Variants in KAZN observed in about 807,000 individuals in gnomAD.
KAZN encodes kazrin, periplakin interacting protein, also known as kazrin.
In KAZN, 40 loss-of-function variants were observed where a neutral mutation model predicts 87.4. The observed-to-expected ratio is 0.46, with a 90% CI of 0.36 to 0.60. The LOEUF is 0.60. Ranked by LOEUF, KAZN falls within the 20% of genes least tolerant of loss-of-function variation. KAZN has a pLI of 0.00. For missense variants in KAZN, 898 were observed against 1,073.9 expected (o/e 0.84, Z 2.29); for synonymous variants, 466 against 458.3 (o/e 1.02, Z -0.22).
intron 1 of KAZN, among the ~76,000 whole-genome samples, chr1:13,901,562 G>A (rs1438505170): frequency 2.0e-5 from 3 of 152,190 alleles, no homozygotes; most frequent in Admixed American, 1.3e-4. Flanking sequence ...TTGTGGATGT[G>A]TATTACCAAT....
intron 2 of KAZN, among the ~76,000 whole-genome samples, chr1:14,348,474 C>G (rs1157940556): frequency 6.6e-6 from 1 of 152,196 alleles, no homozygotes; most frequent in African/African-American, 2.4e-5. Flanking sequence ...TTTGCACTTA[C>G]CTGGAGGATT....
At chr1:13,974,033 C>T (rs1642225774) in intron 1 of KAZN, among the ~76,000 whole-genome samples, 1 of 152,272 alleles carries the variant, frequency 6.6e-6, no homozygotes, top group African/African-American at 2.4e-5. Context: ...CTGGTGGAAA[C>T]CAGGCACAAG....
intron 2 of KAZN, among the ~76,000 whole-genome samples, chr1:14,345,572 G>C (rs1658048691): frequency 6.6e-6 from 1 of 152,178 alleles, no homozygotes; most frequent in Non-Finnish European, 1.5e-5. Flanking sequence ...AAAATTGGAT[G>C]TGTATTTTAG....
At chr1:14,551,850 T>G (rs1047766929) in intron 2 of KAZN, among the ~76,000 whole-genome samples, 1 of 152,088 alleles carries the variant, frequency 6.6e-6, no homozygotes, top group Non-Finnish European at 1.5e-5. Context: ...GGAAAAGAAT[T>G]AATGGCTACC....
chr1:14,970,680 A>G (rs550728334), intron 2 of KAZN, among the ~76,000 whole-genome samples: 2 of 152,270 alleles, frequency 1.3e-5, no homozygotes, highest in Non-Finnish European at 2.9e-5. Context: ...CGTCTGCTTC[A>G]ACACTTGGAT....
At chr1:14,331,527 A>G (rs1204625756) in intron 2 of KAZN, among the ~76,000 whole-genome samples, 3 of 152,194 alleles carry the variant, frequency 2.0e-5, no homozygotes, top group Admixed American at 6.5e-5. Flanking sequence ...AAATGTTGCA[A>G]TAATGTTTTA....
intron 1 of KAZN, among the ~76,000 whole-genome samples, chr1:13,953,734 T>C (rs1641439503): frequency 6.6e-6 from 1 of 152,218 alleles, no homozygotes; most frequent in Non-Finnish European, 1.5e-5. Context: ...TGAAGATTCA[T>C]GTCTTTAGCT....
intron 2 of KAZN, among the ~76,000 whole-genome samples, chr1:14,426,721 T>G (rs1665750215): frequency 6.6e-6 from 1 of 152,076 alleles, no homozygotes; most frequent in Non-Finnish European, 1.5e-5. Flanking sequence ...AAGCCAAATG[T>G]CCAGCCCCTC....
Position 14,064,534 on chromosome 1 carries a change from C to T in KAZN, c.92-115901C>T, listed in dbSNP as rs191451370. On this transcript the variant is annotated intron_variant, in intron 1 of 16. Transcript: ENST00000636203. ...CTGAACCACCAAAACATAGACTTGG[C>T]TTGTTTGTTTGTTGCTTTGTTATTG... Among the ~76,000 whole-genome samples, 627 of 152,288 alleles carry T rather than the reference C, an allele frequency of 4.1e-3. 6 individuals carry two copies. The highest frequency in any genetic ancestry group is 0.014 in the African/African-American group (584 of 41,556).
chr1:14,833,577 C>T lies in KAZN; in HGVS notation c.227-127107C>T, dbSNP rs74650984. Among the ~76,000 whole-genome samples the T allele has an allele frequency of 4.8e-4, 73 of 152,324 alleles. 1 individual carries two copies. In the East Asian group the frequency reaches 0.012, roughly 25 times the overall value. On this transcript the variant is annotated intron_variant, in intron 1 of 14. Coordinates refer to ENST00000376030, the MANE Select transcript of KAZN (RefSeq NM_201628.3). ...AGTAGGGTATCCGTCCTCTACCCCC[C>T]CCAGGCCCTCATCATAAGCATATGG...
chr1:14,867,459 G>T (rs574235396), intron 1 of KAZN, among the ~76,000 whole-genome samples: 1 of 152,230 alleles, frequency 6.6e-6, no homozygotes, highest in East Asian at 1.9e-4. Context: ...TTGGGTTCAG[G>T]GATGGTGCAT....
intron 2 of KAZN, among the ~76,000 whole-genome samples, chr1:15,032,845 A>G (rs1671864456): frequency 6.6e-6 from 1 of 151,912 alleles, no homozygotes; most frequent in South Asian, 2.1e-4. Flanking sequence ...GCTACTTGGG[A>G]GGCTGAGGCA....
chr1:14,602,931 A>T (rs1039662144), intron 1 of KAZN, among the ~76,000 whole-genome samples: 1 of 152,184 alleles, frequency 6.6e-6, no homozygotes, highest in Non-Finnish European at 1.5e-5. Flanking sequence ...TTAGAAGGGG[A>T]TGGAGGCAAG....
At chr1:14,344,351 C>T (rs2100917787) in intron 2 of KAZN, among the ~76,000 whole-genome samples, 1 of 151,630 alleles carries the variant, frequency 6.6e-6, no homozygotes, top group East Asian at 1.9e-4. Flanking sequence ...AGAAATGTAT[C>T]TCAATGATTA....
In KAZN at chr1:14,095,368, C is replaced by T. The variant is rs187911136; in HGVS notation, c.92-85067C>T. On this transcript the variant is annotated intron_variant, in intron 1 of 16. Coordinates refer to the KAZN transcript ENST00000636203. Reference sequence around the variant, plus strand: ...AGCCTGTATAGGCTGAATTCACATACGTTGCATAAGCAGGTGTTATCCTAC... The same window carrying T: ...AGCCTGTATAGGCTGAATTCACATATGTTGCATAAGCAGGTGTTATCCTAC... Among the ~76,000 whole-genome samples, 345 of 152,278 alleles carry T rather than the reference C, an allele frequency of 2.3e-3. 1 individual carries two copies. Among genetic ancestry groups the T allele is most frequent in the African/African-American group, 7.9e-3 (330 of 41,556 alleles).
Position 14,545,932 on chromosome 1 carries a change from T to G in KAZN, c.250-53051T>G, listed in dbSNP as rs182065884. On this transcript the variant is annotated intron_variant, in intron 2 of 16. Transcript: ENST00000636203. Reference sequence around the variant, plus strand: ...TTAGCCCCACTGAGACAGGGAAGTATGATCCTACCATGTCCCTACCATGAT... The same window carrying G: ...TTAGCCCCACTGAGACAGGGAAGTAGGATCCTACCATGTCCCTACCATGAT... Among the ~76,000 whole-genome samples, 4 of 152,230 alleles carry G rather than the reference T, an allele frequency of 2.6e-5. No homozygotes were observed. The East Asian group carries it at 7.7e-4, about 29-fold the overall frequency.
chr1:14,504,481 T>C (rs978853863), intron 2 of KAZN, among the ~76,000 whole-genome samples: 4 of 152,060 alleles, frequency 2.6e-5, no homozygotes, highest in African/African-American at 9.7e-5. Context: ...AACAAGCGAG[T>C]TCTCGTCGGC....
At chr1:14,066,688 C>T (rs1039456693) in intron 1 of KAZN, among the ~76,000 whole-genome samples, 2 of 152,176 alleles carry the variant, frequency 1.3e-5, no homozygotes, top group African/African-American at 4.8e-5. Context: ...AACTGCCAGG[C>T]TCTTTGGAAT....
intron 1 of KAZN, among the ~76,000 whole-genome samples, chr1:13,902,361 G>C (rs1047506754): frequency 6.6e-6 from 1 of 152,176 alleles, no homozygotes; most frequent in Non-Finnish European, 1.5e-5. Context: ...CAGGGTGTAG[G>C]GGGTATATAC....
Sources: allele counts gnomAD v4.1 joint callset (sites outside exome capture counted in the v4.1 genomes callset), GRCh38; gene constraint gnomAD v4.1.1; transcripts MANE v1.5; gene names NCBI Gene and HGNC (gene_info 2026-07-23, HGNC 2026-07-21).